The following FOXP1 variants were observed in gnomAD, a reference collection of about 807,000 sequenced individuals.
The protein encoded by FOXP1 is forkhead box protein P1.
Under a neutral mutation model 98.2 loss-of-function variants are expected in FOXP1, and 15 were observed. The observed-to-expected ratio is 0.15, with a 90% CI of 0.10 to 0.24. The LOEUF (loss-of-function observed/expected upper bound fraction) is 0.24. FOXP1 is among the 10% of genes least tolerant of loss of function. The probability of loss-of-function intolerance (pLI) is 1.00; values close to 1 mark genes in which losing one functional copy is unlikely to be tolerated. For synonymous variants in FOXP1, 371 were observed against 314.5 expected (o/e 1.18, Z -1.90); for missense variants, 633 against 848.5 (o/e 0.75, Z 3.15).
chr3:71,287,226 C>G (rs921789367), intron 5 of FOXP1, among the ~76,000 whole-genome samples: 10 of 152,116 alleles, frequency 6.6e-5, no homozygotes, highest in African/African-American at 2.4e-4. Context: ...AACTTCGGAA[C>G]TTTGGGAGGC....
intron 11 of FOXP1, among the ~76,000 whole-genome samples, chr3:71,023,948 A>G (rs995900883): frequency 2.0e-5 from 3 of 152,202 alleles, no homozygotes; most frequent in Admixed American, 6.5e-5. Context: ...TAGATTCACA[A>G]TCTCAAAGAG....
intron 6 of FOXP1, among the ~76,000 whole-genome samples, chr3:71,177,605 T>C (rs1418579046): frequency 6.6e-6 from 1 of 152,142 alleles, no homozygotes; most frequent in Non-Finnish European, 1.5e-5. Context: ...TGTCCAGTCG[T>C]AAGCTGTGTG....
At chr3:71,319,810 T>C (rs1411813279) in intron 4 of FOXP1, among the ~76,000 whole-genome samples, 1 of 152,152 alleles carries the variant, frequency 6.6e-6, no homozygotes, top group Non-Finnish European at 1.5e-5. Flanking sequence ...ACAACCTTCT[T>C]CAGCACCCTC....
At position 71,405,035 on chromosome 3, in the gene FOXP1, C is replaced by A. The variant is rs531528664; in HGVS notation, c.-167-45791G>T. ...ACACTGCTAATGGTTTGTGAAATAC[C>A]TCCAAAGGCACTGCACCAGCACGCA... On this transcript the variant is annotated intron_variant, in intron 3 of 20. Coordinates refer to ENST00000649528, the MANE Select transcript of FOXP1 (RefSeq NM_001349338.3). Among the ~76,000 whole-genome samples, 5 of 152,322 alleles carry A rather than the reference C, an allele frequency of 3.3e-5. No individual in the cohort carries two copies. In the East Asian group the frequency reaches 5.8e-4, roughly 18 times the overall value.
intron 3 of FOXP1, among the ~76,000 whole-genome samples, chr3:71,380,555 T>C (rs183627117): frequency 7.2e-5 from 11 of 152,344 alleles, no homozygotes; most frequent in African/African-American, 2.2e-4. Context: ...CTAAAATGCA[T>C]TGAGCACGAA....
chr3:71,238,398 A>C (rs2066971094), intron 5 of FOXP1, among the ~76,000 whole-genome samples: 2 of 152,210 alleles, frequency 1.3e-5, no homozygotes, highest in Admixed American at 1.3e-4. Context: ...TCAATAAATG[A>C]ATGTACAAAG....
intron 3 of FOXP1, among the ~76,000 whole-genome samples, chr3:71,359,595 C>CTGGAG (rs1343100948): frequency 6.6e-6 from 1 of 152,164 alleles, no homozygotes; most frequent in Admixed American, 6.6e-5. Context: ...GCCACTCAGG[C>CTGGAG]TGGAGTGCAG....
chr3:71,552,776 T>C (rs1177555370), intron 2 of FOXP1, among the ~76,000 whole-genome samples: 1 of 152,052 alleles, frequency 6.6e-6, no homozygotes. Context: ...CCAGGTGCTT[T>C]GTATTTACAG....
rs547411391 is a variant in FOXP1, at chr3:70,996,457, C to T, written c.1062+4515G>A. Among the ~76,000 whole-genome samples the T allele has an allele frequency of 3.9e-5, 6 of 152,316 alleles. 1 individual carries two copies. In the South Asian group the frequency reaches 6.2e-4, roughly 16 times the overall value. On this transcript the variant is annotated intron_variant, in intron 13 of 20. Coordinates refer to ENST00000649528, the MANE Select transcript of FOXP1 (RefSeq NM_001349338.3). ...AGTTTAATTCAAGTTTGGTATTGTA[C>T]AGATAGCTCTGTGAAGGGGAACATC...
intron 5 of FOXP1, among the ~76,000 whole-genome samples, chr3:71,214,212 A>T (rs2064737258): frequency 6.6e-6 from 1 of 152,228 alleles, no homozygotes; most frequent in South Asian, 2.1e-4. Flanking sequence ...ATGTGGTCTA[A>T]ATAAGCACCT....
intron 2 of FOXP1, among the ~76,000 whole-genome samples, chr3:71,528,501 G>A (rs1371171398): frequency 6.6e-6 from 1 of 152,180 alleles, no homozygotes; most frequent in Non-Finnish European, 1.5e-5. Context: ...ACCTTCTAAT[G>A]TCCTCAAAAC....
chr3:71,454,466 T>C (rs2087258038), intron 3 of FOXP1, among the ~76,000 whole-genome samples: 1 of 152,186 alleles, frequency 6.6e-6, no homozygotes, highest in African/African-American at 2.4e-5. Context: ...AGTCGCTTTA[T>C]AATTTTTATT....
chr3:71,364,493 A>C (rs2078780880), intron 3 of FOXP1, among the ~76,000 whole-genome samples: 1 of 152,230 alleles, frequency 6.6e-6, no homozygotes. Context: ...ATATTGATCC[A>C]GTTGACAGTT....
chr3:71,041,613 G>A lies in FOXP1; in HGVS notation c.665-81C>T, dbSNP rs2048347384. 7.9e-6 allele frequency: 11 copies of A among 1,389,310 alleles called. No homozygotes were observed. The South Asian group carries it at 1.2e-4, about 15-fold the overall frequency. The allele number at this position is 1,389,310 out of a possible 1,614,324, so 86.1% of individuals were successfully genotyped here. On this transcript the variant is annotated intron_variant, in intron 10 of 20. Transcript: ENST00000649528. The stretch of plus-strand genomic sequence containing the variant: ...AAACAGCAATTAAATCAAAGAGTCA[G>A]TAAACAAAGCCTAGTGTTAGGGGGG...
At position 70,958,592 on chromosome 3, in the gene FOXP1, G is replaced by A. The variant is rs1343432461; in HGVS notation, c.*655C>T. The A allele has an allele frequency of 2.6e-5, 6 of 228,036 alleles. No homozygotes were observed. Among genetic ancestry groups the A allele is most frequent in the Non-Finnish European group, 4.2e-5 (5 of 118,194 alleles). 14.1% of individuals were successfully genotyped at this position (228,036 alleles called of 1,614,324 possible). On this transcript the variant is annotated 3_prime_UTR_variant, in exon 21 of 21. Coordinates refer to ENST00000649528, the MANE Select transcript of FOXP1 (RefSeq NM_001349338.3). ...CCTCCAAGAGGCCATCGGCCCAAAT[G>A]GAGGCCTGAGGTCAGAACTTAAAAT...
chr3:71,541,725 T>A (rs1328450847), intron 2 of FOXP1, among the ~76,000 whole-genome samples: 2 of 152,052 alleles, frequency 1.3e-5, no homozygotes, highest in African/African-American at 4.8e-5. Flanking sequence ...GAACACAATG[T>A]TGCCTCTGTT....
chr3:71,542,711 A>G (rs2044964966), intron 2 of FOXP1, among the ~76,000 whole-genome samples: 1 of 152,238 alleles, frequency 6.6e-6, no homozygotes, highest in South Asian at 2.1e-4. Flanking sequence ...AGGCAGGCGC[A>G]GGCTGGGCCA....
At chr3:71,129,201 C>G (rs1407671265) in intron 6 of FOXP1, among the ~76,000 whole-genome samples, 1 of 152,128 alleles carries the variant, frequency 6.6e-6, no homozygotes, top group African/African-American at 2.4e-5. Flanking sequence ...TGAGTAAATA[C>G]CTTCAGTCAC....
chr3:71,224,243 C>T (rs2065649336), intron 5 of FOXP1, among the ~76,000 whole-genome samples: 1 of 152,094 alleles, frequency 6.6e-6, no homozygotes, highest in Admixed American at 6.5e-5. Flanking sequence ...TGAGGGATTG[C>T]TCAGTTACGT....
Sources: gnomAD v4.1 joint callset for allele counts (sites outside exome capture counted in the v4.1 genomes callset) on GRCh38, gnomAD v4.1.1 for gene constraint, MANE v1.5 for transcripts, NCBI Gene and HGNC (gene_info 2026-07-23, HGNC 2026-07-21) for gene names.